Variants in PLOD2 observed in about 807,000 individuals in gnomAD.
PLOD2 encodes the protein lysine hydroxylase 2.
In PLOD2, 65 loss-of-function variants were observed where a neutral mutation model predicts 101.0. The observed-to-expected ratio is 0.64, with a 90% confidence interval of 0.53 to 0.79. PLOD2 has a LOEUF of 0.79. Among genes scored for constraint, PLOD2 ranks in the 30% least tolerant of loss-of-function variants. PLOD2 has a pLI of 0.00. For synonymous variants in PLOD2, 314 were observed against 302.9 expected, an observed-to-expected ratio of 1.04 and a Z score of -0.38; for missense variants, 909 against 914.6, an observed-to-expected ratio of 0.99 and a Z score of 0.08.
At chr3:146,136,039 T>A (rs2031210811) in intron 1 of PLOD2, among the ~76,000 whole-genome samples, 1 of 152,188 alleles carries the variant, frequency 6.6e-6, no homozygotes, top group African/African-American at 2.4e-5. Context: ...ATCTTTGAAC[T>A]TTGTTTTGAT....
chr3:146,141,555 A>G (rs757722462), intron 1 of PLOD2, among the ~76,000 whole-genome samples: 1 of 152,126 alleles, frequency 6.6e-6, no homozygotes, highest in Non-Finnish European at 1.5e-5. Context: ...TTCTTTCAAC[A>G]GATACTGACA....
chr3:146,126,534 T>C (rs1346702733), intron 1 of PLOD2, among the ~76,000 whole-genome samples: 1 of 152,044 alleles, frequency 6.6e-6, no homozygotes, highest in East Asian at 1.9e-4. Context: ...GACAAAGATA[T>C]GGTGACAGGA....
At chr3:146,160,860 G>A (rs1428460997) in intron 1 of PLOD2, 21 bp downstream of exon 1, 1 of 1,471,622 alleles carries the variant, frequency 6.8e-7, no homozygotes. Context: ...GCGGGACAGC[G>A]GCGGACCGCG....
At chr3:146,139,354 AAAGAT>A (rs1205758118) in intron 1 of PLOD2, among the ~76,000 whole-genome samples, 1 of 152,158 alleles carries the variant, frequency 6.6e-6, no homozygotes, top group Non-Finnish European at 1.5e-5. Flanking sequence ...TCTAACCTGA[AAAGAT>A]GAGTCTGTTA....
At chr3:146,100,523 A>G (rs2108050100) in intron 7 of PLOD2, among the ~76,000 whole-genome samples, 1 of 152,332 alleles carries the variant, frequency 6.6e-6, no homozygotes, top group African/African-American at 2.4e-5. Flanking sequence ...GACACCTAAA[A>G]GATAAGAAGG....
chr3:146,094,841 CA>C (rs1352477430), intron 7 of PLOD2, among the ~76,000 whole-genome samples: 1 of 152,064 alleles, frequency 6.6e-6, no homozygotes, highest in African/African-American at 2.4e-5. Flanking sequence ...CTAGAGTAAC[CA>C]AAACAGCAAG....
rs1366667016 is a variant in PLOD2 at position 146,079,157 on chromosome 3, G to A, written c.1459C>T (p.Leu487=). Residue 487 remains leucine (L), a synonymous_variant, in exon 13 of 20, where the codon CTG becomes TTG. Transcript: ENST00000282903. ...CGGCAAAGAGCCATATCAGGATCCAGTTTATCACGAACAAAATAGTTCCTT... is the reference window on the plus strand; with the variant it reads ...CGGCAAAGAGCCATATCAGGATCCAATTTATCACGAACAAAATAGTTCCTT... ...NERNYFVRDK[L]DPDMALCRNA... The A allele has an allele frequency of 6.2e-6, 10 of 1,612,688 alleles. No individual in the cohort carries two copies. Among genetic ancestry groups the A allele is most frequent in the Non-Finnish European group, 7.6e-6 (9 of 1,178,994 alleles).
At chr3:146,085,003 T>C (rs1936703750) in intron 11 of PLOD2, among the ~76,000 whole-genome samples, 166 bp downstream of exon 11, 2 of 152,158 alleles carry the variant, frequency 1.3e-5, no homozygotes, top group South Asian at 2.1e-4. Context: ...TTGTTTTCTA[T>C]GACTCCTTTA....
chr3:146,096,106 C>T (rs1937149906), intron 7 of PLOD2, among the ~76,000 whole-genome samples: 1 of 150,484 alleles, frequency 6.6e-6, no homozygotes, highest in Non-Finnish European at 1.5e-5. Flanking sequence ...CCGGGCTGGT[C>T]TCCAGCTCCT....
intron 1 of PLOD2, among the ~76,000 whole-genome samples, chr3:146,133,231 T>C (rs914597236): frequency 6.6e-6 from 1 of 152,118 alleles, no homozygotes; most frequent in African/African-American, 2.4e-5. Flanking sequence ...ATTTTTAATA[T>C]AAAATATTGT....
intron 1 of PLOD2, among the ~76,000 whole-genome samples, chr3:146,153,758 C>T (rs1021072899): frequency 2.8e-5 from 4 of 142,450 alleles, no homozygotes; most frequent in Non-Finnish European, 4.6e-5. Context: ...GGAGTACTGT[C>T]AAGAACAATA....
chr3:146,091,593 C>T (rs914587839), intron 8 of PLOD2, among the ~76,000 whole-genome samples: 1 of 151,852 alleles, frequency 6.6e-6, no homozygotes, highest in African/African-American at 2.4e-5. Context: ...TCATTAGGTT[C>T]AATTATTAGC....
At chr3:146,092,070 T>C (rs1245330219) in intron 7 of PLOD2, among the ~76,000 whole-genome samples, 169 bp from the exon 8 acceptor site, 1 of 151,422 alleles carries the variant, frequency 6.6e-6, no homozygotes, top group Non-Finnish European at 1.5e-5. Flanking sequence ...CTCCAGAATA[T>C]GAATTGTAAA....
intron 7 of PLOD2, among the ~76,000 whole-genome samples, chr3:146,101,762 G>C (rs75355105): frequency 0.014 from 2,139 of 152,292 alleles, 56 homozygotes; most frequent in African/African-American, 0.048. Flanking sequence ...TAAGATGGAG[G>C]AGACTTACTG....
Position 146,160,901 on chromosome 3 carries a change from T to C in PLOD2, c.89A>G (p.Lys30Arg). ...CTCACCTGTGGGGATGCTCGAGGGC[T>C]TCTCCGAGTCCGCACCCAGACAGGG... ...WNPCLGADSE[K>R]PSSIPTDKLL... The change falls in exon 1 of 20, where the codon AAG (lysine) becomes AGG (arginine). Residue 30 changes from lysine to arginine, a missense_variant. Transcript: ENST00000282903. 6.3e-7 allele frequency: 1 copy of C among 1,587,756 alleles called. No individual in the cohort carries two copies. Among genetic ancestry groups the C allele is most frequent in the Non-Finnish European group, 8.6e-7 (1 of 1,166,654 alleles).
intron 3 of PLOD2, among the ~76,000 whole-genome samples, chr3:146,113,216 G>A (rs1409821815): frequency 6.6e-6 from 1 of 152,090 alleles, no homozygotes; most frequent in Non-Finnish European, 1.5e-5. Context: ...TAAGACAAAA[G>A]TTATCACATA....
At chr3:146,102,608 A>G (rs1937427871) in intron 7 of PLOD2, 147 bp downstream of exon 7, 1 of 608,298 alleles carries the variant, frequency 1.6e-6, no homozygotes, top group Non-Finnish European at 2.9e-6. Flanking sequence ...AAACCAGATG[A>G]TATACTGTGT....
In PLOD2 at chr3:146,079,260, GAAAGT is replaced by G. The variant is rs759250146; in HGVS notation, c.1359-8_1359-4del. On this transcript the variant is annotated splice_polypyrimidine_tract_variant and splice_region_variant and intron_variant, in intron 12 of 19. Coordinates refer to ENST00000282903, the MANE Select transcript of PLOD2 (RefSeq NM_182943.3). ...TATATGGGACATTCCATACTCCTCT[GAAAGT>G]AAAGAGAAGACATTCTTATATACCA... 5 of 1,599,766 alleles carry G rather than the reference GAAAGT, an allele frequency of 3.1e-6. No individual in the cohort carries two copies. The highest frequency in any genetic ancestry group is 4.3e-6 in the Non-Finnish European group (5 of 1,167,780).
In PLOD2 at chr3:146,120,288, C is replaced by T. The variant is rs1264426251; in HGVS notation, c.338+824G>A. Among the ~76,000 whole-genome samples, 7 of 152,080 alleles carry T rather than the reference C, an allele frequency of 4.6e-5. No individual in the cohort carries two copies. In the South Asian group the frequency reaches 1.0e-3, roughly 23 times the overall value. On this transcript the variant is annotated intron_variant, in intron 3 of 19. Transcript: ENST00000282903. ...ATCCTTCACACACTTTTTGATGGCC[C>T]TATTTGTTTTTTTCTTGTAAATTTG...
Sources: allele counts gnomAD v4.1 joint callset (sites outside exome capture counted in the v4.1 genomes callset), GRCh38; gene constraint gnomAD v4.1.1; transcripts MANE v1.5; gene names NCBI Gene and HGNC (gene_info 2026-07-23, HGNC 2026-07-21).